The following GPC5 variants were observed in gnomAD, a reference collection of about 807,000 sequenced individuals.
The protein encoded by GPC5 is glypican 5, also known as glypican-5.
GPC5 carries 47 observed loss-of-function variants against 53.9 expected under a neutral mutation model. The observed-to-expected ratio is 0.87, with a 90% CI of 0.69 to 1.11. The LOEUF is 1.11. Ranked by LOEUF, GPC5 falls within the 50% of genes most tolerant of loss-of-function variation. The probability of loss-of-function intolerance (pLI) is 0.00; values close to 1 mark genes in which losing one functional copy is unlikely to be tolerated. For missense variants in GPC5, 748 were observed against 713.1 expected (o/e 1.05, Z -0.56); for synonymous variants, 286 against 263.3 (o/e 1.09, Z -0.84).
intron 5 of GPC5, among the ~76,000 whole-genome samples, chr13:91,818,468 T>G (rs1433981817): frequency 1.3e-5 from 2 of 152,250 alleles, no homozygotes; most frequent in Admixed American, 1.3e-4. Flanking sequence ...TACAATTATG[T>G]AAATGTTCTA....
intron 7 of GPC5, among the ~76,000 whole-genome samples, chr13:92,603,240 G>A (rs1884140971): frequency 6.6e-6 from 1 of 152,152 alleles, no homozygotes; most frequent in Admixed American, 6.5e-5. Flanking sequence ...TTGGGAATGT[G>A]CAGGATTTGA....
At chr13:92,243,135 C>T (rs1314802832) in intron 7 of GPC5, among the ~76,000 whole-genome samples, 1 of 152,140 alleles carries the variant, frequency 6.6e-6, no homozygotes, top group Non-Finnish European at 1.5e-5. Flanking sequence ...TTGTTTGAGA[C>T]TTAATTTGAC....
chr13:91,670,266 T>C (rs1321109106), intron 2 of GPC5, among the ~76,000 whole-genome samples: 1 of 152,142 alleles, frequency 6.6e-6, no homozygotes, highest in Non-Finnish European at 1.5e-5. Flanking sequence ...CATAGCAGTG[T>C]TTGGCAATTG....
intron 7 of GPC5, among the ~76,000 whole-genome samples, chr13:92,627,398 GC>G (rs1885082536): frequency 1.3e-5 from 2 of 152,184 alleles, no homozygotes; most frequent in African/African-American, 4.8e-5. Flanking sequence ...ACTTTACACA[GC>G]TTTTCATCAT....
At chr13:92,158,710 G>A (rs2041963786) in intron 7 of GPC5, among the ~76,000 whole-genome samples, 1 of 147,320 alleles carries the variant, frequency 6.8e-6, no homozygotes, top group Non-Finnish European at 1.5e-5. Context: ...GGTCACATTG[G>A]TCTCTCTGCT....
At chr13:92,322,036 T>C (rs1161195428) in intron 7 of GPC5, among the ~76,000 whole-genome samples, 1 of 152,172 alleles carries the variant, frequency 6.6e-6, no homozygotes, top group Non-Finnish European at 1.5e-5. Flanking sequence ...GCATGACATA[T>C]AAGCCAATCT....
In GPC5 at chr13:92,263,755, C is replaced by T. The variant is rs536933177; in HGVS notation, c.1561+118766C>T. Among the ~76,000 whole-genome samples the T allele has an allele frequency of 5.3e-5, 8 of 152,228 alleles. 1 individual carries two copies. In the South Asian group the frequency reaches 1.7e-3, roughly 32 times the overall value. ...AGAATCCATTTTGGCTTAAAGTCAT[C>T]TGAAAATGTTTTCTTGTATTATCGG... On this transcript the variant is annotated intron_variant, in intron 7 of 7. Coordinates refer to ENST00000377067, the MANE Select transcript of GPC5 (RefSeq NM_004466.6).
intron 7 of GPC5, among the ~76,000 whole-genome samples, chr13:92,421,966 C>G (rs1000158937): frequency 6.6e-6 from 1 of 152,060 alleles, no homozygotes; most frequent in Non-Finnish European, 1.5e-5. Flanking sequence ...TATTTGACTT[C>G]CTGGAGGTCA....
intron 2 of GPC5, among the ~76,000 whole-genome samples, chr13:91,654,094 A>G (rs16946412): frequency 0.22 from 33,015 of 152,042 alleles, 4,481 homozygotes; most frequent in African/African-American, 0.37. Context: ...AGAGGCACCC[A>G]TAGATTTCAG....
At chr13:92,113,847 A>G (rs1042364511) in intron 6 of GPC5, among the ~76,000 whole-genome samples, 5 of 152,112 alleles carry the variant, frequency 3.3e-5, no homozygotes, top group African/African-American at 1.2e-4. Flanking sequence ...AAAAAAAGCC[A>G]CTTGCCCAAA....
At chr13:91,940,257 T>C (rs1402412822) in intron 6 of GPC5, among the ~76,000 whole-genome samples, 2 of 152,184 alleles carry the variant, frequency 1.3e-5, no homozygotes, top group East Asian at 3.9e-4. Context: ...TGGTTTTCTA[T>C]TCCTGCATTA....
chr13:92,428,820 T>A (rs1876955825), intron 7 of GPC5, among the ~76,000 whole-genome samples: 1 of 152,102 alleles, frequency 6.6e-6, no homozygotes, highest in African/African-American at 2.4e-5. Flanking sequence ...ATGTTTTGAA[T>A]GTAAAATCAT....
chr13:91,890,228 G>T (rs943549079), intron 5 of GPC5, among the ~76,000 whole-genome samples: 4 of 152,164 alleles, frequency 2.6e-5, no homozygotes, highest in Non-Finnish European at 5.9e-5. Flanking sequence ...GTCTTTCGTG[G>T]TAGTTCTTGT....
At chr13:91,797,671 C>A (rs1324806074) in intron 5 of GPC5, among the ~76,000 whole-genome samples, 1 of 152,170 alleles carries the variant, frequency 6.6e-6, no homozygotes, top group South Asian at 2.1e-4. Context: ...TCAGAGTCAG[C>A]GGTTTGAATG....
At chr13:92,817,927 G>T (rs1011562849) in intron 7 of GPC5, among the ~76,000 whole-genome samples, 1 of 151,438 alleles carries the variant, frequency 6.6e-6, no homozygotes, top group Admixed American at 6.6e-5. Flanking sequence ...GTGGCAGCAG[G>T]ACATTTTGAT....
At chr13:92,349,692 C>A (rs186038599) in intron 7 of GPC5, among the ~76,000 whole-genome samples, 2 of 151,924 alleles carry the variant, frequency 1.3e-5, no homozygotes, top group African/African-American at 2.4e-5. Flanking sequence ...TTGAATCATG[C>A]AGAAATAAAA....
intron 7 of GPC5, among the ~76,000 whole-genome samples, chr13:92,793,369 G>A (rs1277798780): frequency 6.6e-6 from 1 of 152,120 alleles, no homozygotes; most frequent in Non-Finnish European, 1.5e-5. Flanking sequence ...TAGAATCTCT[G>A]GGACACATTT....
At chr13:91,643,618 T>C (rs1428875942) in intron 2 of GPC5, among the ~76,000 whole-genome samples, 1 of 152,236 alleles carries the variant, frequency 6.6e-6, no homozygotes, top group East Asian at 1.9e-4. Context: ...TAGAAATTTA[T>C]CATCTTTACT....
intron 7 of GPC5, among the ~76,000 whole-genome samples, chr13:92,249,476 T>C (rs554795460): frequency 1.3e-5 from 2 of 152,244 alleles, no homozygotes; most frequent in African/African-American, 4.8e-5. Flanking sequence ...GCTCCTCTTA[T>C]GTAATACCCT....
Sources: gnomAD v4.1 joint callset for allele counts (sites outside exome capture counted in the v4.1 genomes callset) on GRCh38, gnomAD v4.1.1 for gene constraint, MANE v1.5 for transcripts, NCBI Gene and HGNC (gene_info 2026-07-23, HGNC 2026-07-21) for gene names.